DLG2: variants seen among roughly 807,000 people sequenced by gnomAD.
The protein encoded by DLG2 is disks large homolog 2.
DLG2 carries 45 observed loss-of-function variants against 132.5 expected under a neutral mutation model. The observed-to-expected ratio is 0.34, with a 90% confidence interval of 0.27 to 0.44. The LOEUF (loss-of-function observed/expected upper bound fraction) is 0.44. DLG2 is among the 20% of genes least tolerant of loss of function. DLG2 has a pLI of 1.00. For synonymous variants in DLG2, 424 were observed against 419.6 expected (o/e 1.01, Z -0.13); for missense variants, 1,045 against 1,196.9 (o/e 0.87, Z 1.87).
intron 16 of DLG2, among the ~76,000 whole-genome samples, chr11:83,857,332 GT>G (rs1224457581): frequency 2.6e-5 from 4 of 152,094 alleles, no homozygotes; most frequent in Non-Finnish European, 5.9e-5. Flanking sequence ...TTTTAAAATA[GT>G]TTTTTTCTAG....
At chr11:83,899,171 T>C (rs2072686735) in intron 15 of DLG2, among the ~76,000 whole-genome samples, 1 of 152,058 alleles carries the variant, frequency 6.6e-6, no homozygotes, top group Non-Finnish European at 1.5e-5. Context: ...TCTGGGGAAA[T>C]TAGCCTATCA....
chr11:83,924,502 A>G (rs1230894557), intron 15 of DLG2, among the ~76,000 whole-genome samples: 2 of 152,122 alleles, frequency 1.3e-5, no homozygotes, highest in African/African-American at 2.4e-5. Context: ...TGAAAACAAA[A>G]TGGCATGTTG....
chr11:84,072,009 C>A (rs935871897), intron 10 of DLG2, among the ~76,000 whole-genome samples: 2 of 152,184 alleles, frequency 1.3e-5, no homozygotes, highest in Non-Finnish European at 2.9e-5. Context: ...CAGGCAAAAC[C>A]CTTTCTCTAA....
In DLG2 at chr11:84,534,798, T is replaced by C. The variant is rs772625006; in HGVS notation, c.358-67A>G. On this transcript the variant is annotated intron_variant, in intron 6 of 27. Transcript: ENST00000376104. ...TGTTTGTAAAGGATATAGACTGAAC[T>C]TCATATTCTAACTTCATCAATAGGA... 5.8e-6 allele frequency: 9 copies of C among 1,553,428 alleles called. No individual in the cohort carries two copies. In the African/African-American group the frequency reaches 1.2e-4, roughly 21 times the overall value.
chr11:85,471,849 C>T lies in DLG2; in HGVS notation c.40+126808G>A, dbSNP rs142282546. 6.1e-3 allele frequency among the ~76,000 whole-genome samples: 933 copies of T among 151,964 alleles called. 5 individuals carry two copies. Among genetic ancestry groups the T allele is most frequent in the Admixed American group, 0.014 (209 of 15,270 alleles). ...ATGATTTTTTTCATGTTGACTAGCA[C>T]ACCAAATTAAAAATAAATAGACAAA... is the stretch of plus-strand genomic sequence containing the variant. On this transcript the variant is annotated intron_variant, in intron 3 of 27. Coordinates refer to ENST00000376104, the MANE Select transcript of DLG2 (RefSeq NM_001142699.3).
intron 3 of DLG2, among the ~76,000 whole-genome samples, chr11:85,507,825 C>T (rs961011249): frequency 1.3e-5 from 2 of 152,140 alleles, no homozygotes; most frequent in African/African-American, 4.8e-5. Flanking sequence ...TCCGTTCTCC[C>T]ATCACTTTCC....
intron 6 of DLG2, among the ~76,000 whole-genome samples, chr11:84,719,555 G>A (rs995728999): frequency 7.9e-5 from 12 of 152,118 alleles, no homozygotes; most frequent in African/African-American, 1.9e-4. Context: ...GGAGTGCGTC[G>A]TCAGGTCCAA....
intron 14 of DLG2, among the ~76,000 whole-genome samples, chr11:83,942,490 C>T (rs2082879927): frequency 6.6e-6 from 1 of 152,072 alleles, no homozygotes; most frequent in Non-Finnish European, 1.5e-5. Flanking sequence ...AATGATATGT[C>T]TACATAAAAT....
At chr11:83,762,158 A>C (rs1243852447) in intron 18 of DLG2, among the ~76,000 whole-genome samples, 2 of 152,244 alleles carry the variant, frequency 1.3e-5, no homozygotes, top group African/African-American at 4.8e-5. Flanking sequence ...AAGGCATCAC[A>C]AATCCAGATC....
intron 6 of DLG2, among the ~76,000 whole-genome samples, chr11:85,016,342 C>T (rs2059574653): frequency 6.6e-6 from 1 of 152,076 alleles, no homozygotes; most frequent in Admixed American, 6.6e-5. Flanking sequence ...TTATTCACTC[C>T]TTTTTCAACT....
intron 4 of DLG2, among the ~76,000 whole-genome samples, chr11:85,214,045 T>C (rs545686595): frequency 6.6e-6 from 1 of 152,250 alleles, no homozygotes; most frequent in Non-Finnish European, 1.5e-5. Context: ...CTCATTATAG[T>C]AGGTTAGTTC....
At chr11:84,753,844 G>A (rs547320393) in intron 6 of DLG2, among the ~76,000 whole-genome samples, 3 of 152,192 alleles carry the variant, frequency 2.0e-5, no homozygotes, top group African/African-American at 7.2e-5. Context: ...CAGCAATATA[G>A]GCACTAAATC....
intron 8 of DLG2, among the ~76,000 whole-genome samples, chr11:84,190,765 G>A (rs1156936329): frequency 1.3e-5 from 2 of 152,104 alleles, no homozygotes; most frequent in Admixed American, 6.6e-5. Context: ...TGACCTTTTG[G>A]CCAACATTTC....
intron 3 of DLG2, among the ~76,000 whole-genome samples, chr11:85,382,968 T>A (rs987678138): frequency 1.3e-5 from 2 of 152,138 alleles, no homozygotes; most frequent in Non-Finnish European, 2.9e-5. Context: ...AACCAGCAAT[T>A]CTGCTCCTCA....
intron 19 of DLG2, among the ~76,000 whole-genome samples, chr11:83,619,547 T>C (rs1207383558): frequency 6.6e-6 from 1 of 152,170 alleles, no homozygotes; most frequent in Non-Finnish European, 1.5e-5. Flanking sequence ...GGAATAGTAA[T>C]GATGCTCCCT....
chr11:85,118,016 T>C (rs1312313010), intron 5 of DLG2, among the ~76,000 whole-genome samples: 1 of 152,130 alleles, frequency 6.6e-6, no homozygotes, highest in African/African-American at 2.4e-5. Context: ...ATGTGTCAAT[T>C]ACAGATGCCA....
rs1238442220 is a variant in DLG2, at chr11:84,752,539, T to C, written c.358-217808A>G. On this transcript the variant is annotated intron_variant, in intron 6 of 27. Coordinates refer to ENST00000376104, the MANE Select transcript of DLG2 (RefSeq NM_001142699.3). ...AAATCCAAAATCTAACTAGATAACA[T>C]GGCTGCTTCTTTGGTTTTCTTTTTC... Among the ~76,000 whole-genome samples the C allele has an allele frequency of 2.6e-5, 4 of 151,576 alleles. No individual in the cohort carries two copies. The East Asian group carries it at 5.8e-4, about 22-fold the overall frequency.
intron 16 of DLG2, among the ~76,000 whole-genome samples, chr11:83,870,986 A>T (rs1201774286): frequency 6.6e-6 from 1 of 152,166 alleles, no homozygotes; most frequent in African/African-American, 2.4e-5. Context: ...TCCATAGGTG[A>T]TCAAAGGCTG....
intron 6 of DLG2, among the ~76,000 whole-genome samples, chr11:85,095,787 A>C (rs1363554986): frequency 6.6e-6 from 1 of 152,224 alleles, no homozygotes; most frequent in Non-Finnish European, 1.5e-5. Flanking sequence ...GCTAGGAGTA[A>C]TCTCTAATAC....
Sources: gnomAD v4.1 joint callset for allele counts (sites outside exome capture counted in the v4.1 genomes callset) on GRCh38, gnomAD v4.1.1 for gene constraint, MANE v1.5 for transcripts, NCBI Gene and HGNC (gene_info 2026-07-23, HGNC 2026-07-21) for gene names.